ADAMTS2: variants seen among roughly 807,000 people sequenced by gnomAD.
The protein encoded by ADAMTS2 is ADAM metallopeptidase with thrombospondin type 1 motif 2.
Under a neutral mutation model 123.0 loss-of-function variants are expected in ADAMTS2, and 50 were observed. The observed-to-expected ratio is 0.41, with a 90% CI of 0.32 to 0.51. ADAMTS2 has a LOEUF of 0.51. Ranked by LOEUF, ADAMTS2 falls within the 20% of genes least tolerant of loss-of-function variation. The pLI, the probability that ADAMTS2 is intolerant of heterozygous loss-of-function variation, is 0.35. For synonymous variants in ADAMTS2, 678 were observed against 695.4 expected (o/e 0.98, Z 0.39); for missense variants, 1,494 against 1,705.2 (o/e 0.88, Z 2.18).
chr5:179,187,106 T>A (rs1319072463), intron 4 of ADAMTS2, among the ~76,000 whole-genome samples: 3 of 152,102 alleles, frequency 2.0e-5, no homozygotes, highest in African/African-American at 7.2e-5. Flanking sequence ...CTGCTGCCTG[T>A]GCTTTGGTTC....
intron 21 of ADAMTS2, among the ~76,000 whole-genome samples, chr5:179,116,266 C>CA (rs1412780126): frequency 8.0e-6 from 1 of 124,246 alleles, no homozygotes; most frequent in Non-Finnish European, 1.7e-5. Context: ...CGGCACCCCC[C>CA]CCCCACCCCC....
intron 4 of ADAMTS2, among the ~76,000 whole-genome samples, chr5:179,191,122 C>A (rs763910139): frequency 2.0e-5 from 3 of 152,264 alleles, no homozygotes; most frequent in African/African-American, 7.2e-5. Flanking sequence ...CAGAAGGACA[C>A]GGCCGAGGCC....
At chr5:179,238,548 A>G (rs918454326) in intron 3 of ADAMTS2, among the ~76,000 whole-genome samples, 1 of 152,060 alleles carries the variant, frequency 6.6e-6, no homozygotes, top group Non-Finnish European at 1.5e-5. Context: ...TCCCACTGGA[A>G]GGGAACATGC....
intron 2 of ADAMTS2, among the ~76,000 whole-genome samples, chr5:179,290,830 A>G (rs1756164626): frequency 6.6e-6 from 1 of 152,058 alleles, no homozygotes; most frequent in Non-Finnish European, 1.5e-5. Context: ...TCGGGGAGCA[A>G]GTACAGAGGC....
chr5:179,273,151 C>T, intron 2 of ADAMTS2, 87 bp from the exon 3 acceptor site: 1 of 1,590,584 alleles, frequency 6.3e-7, no homozygotes. Context: ...CAGGGAGTAC[C>T]TCCCACCTGA....
In ADAMTS2 at chr5:179,155,538, G is replaced by A. The variant is rs987222094; in HGVS notation, c.1133-619C>T. On this transcript the variant is annotated intron_variant, in intron 6 of 21. Transcript: ENST00000251582. This position sits in a 1 kb window ranked among gnomAD's most constrained non-coding sequence, Gnocchi z 5.1. ...ATCCCAGCAGGGGGCTGGCTGGTGC[G>A]GACTGGGAGGTCAGAGCCGCCGTAG... is the stretch of plus-strand genomic sequence containing the variant. 2.0e-5 allele frequency among the ~76,000 whole-genome samples: 3 copies of A among 152,202 alleles called. No homozygotes were observed. Among genetic ancestry groups the A allele is most frequent in the Non-Finnish European group, 4.4e-5 (3 of 68,032 alleles).
intron 2 of ADAMTS2, among the ~76,000 whole-genome samples, chr5:179,286,350 A>C: frequency 6.6e-6 from 1 of 151,602 alleles, no homozygotes; most frequent in Non-Finnish European, 1.5e-5. Flanking sequence ...GGAGGTCTGC[A>C]CACACCGCCC....
chr5:179,204,305 C>T (rs1313729580), intron 4 of ADAMTS2, among the ~76,000 whole-genome samples: 2 of 152,132 alleles, frequency 1.3e-5, no homozygotes, highest in Admixed American at 6.5e-5. Context: ...CTTACGCCAC[C>T]GAATCGCACG....
intron 3 of ADAMTS2, among the ~76,000 whole-genome samples, chr5:179,265,785 C>T (rs181439382): frequency 3.2e-4 from 49 of 152,372 alleles, no homozygotes; most frequent in African/African-American, 1.0e-3. Context: ...ACAGGAGCGC[C>T]GCGGCGTCTG....
At chr5:179,238,467 C>G (rs1434990593) in intron 3 of ADAMTS2, among the ~76,000 whole-genome samples, 1 of 152,106 alleles carries the variant, frequency 6.6e-6, no homozygotes, top group Admixed American at 6.5e-5. Context: ...CTGGAGGGCA[C>G]AGGGTCTGCG....
rs902758851 is a variant in ADAMTS2 at position 179,132,995 on chromosome 5, G to C, written c.2086-95C>G. 2.0e-6 allele frequency: 3 copies of C among 1,513,520 alleles called. No individual in the cohort carries two copies. The highest frequency in any genetic ancestry group is 2.7e-6 in the Non-Finnish European group (3 of 1,118,628). The allele number at this position is 1,513,520 out of a possible 1,614,324, so 93.8% of individuals were successfully genotyped here. A position where few individuals can be genotyped will look rare whatever the true frequency, so the allele number is the denominator to read the frequency against. On this transcript the variant is annotated intron_variant, in intron 13 of 21. Coordinates refer to ENST00000251582, the MANE Select transcript of ADAMTS2 (RefSeq NM_014244.5). This position sits in a 1 kb window ranked among gnomAD's most constrained non-coding sequence, Gnocchi z 6.1. ...CCCAGTCTCGAACACCTGGCCTCAA[G>C]CGATCCTCCTGCCTTGGCCTCCCAA...
intron 5 of ADAMTS2, among the ~76,000 whole-genome samples, chr5:179,171,636 C>G (rs957696980): frequency 2.0e-5 from 3 of 152,196 alleles, no homozygotes; most frequent in Non-Finnish European, 4.4e-5. Context: ...ACTGGCGTCC[C>G]CTACCCCCAT....
intron 6 of ADAMTS2, among the ~76,000 whole-genome samples, chr5:179,157,972 C>G (rs1242296862): frequency 6.7e-6 from 1 of 148,238 alleles, no homozygotes; most frequent in Non-Finnish European, 1.5e-5. Context: ...TTTTTTGTCT[C>G]TTTTTTTTTT....
chr5:179,126,557 G>C (rs1716813735), intron 17 of ADAMTS2, among the ~76,000 whole-genome samples: 1 of 152,224 alleles, frequency 6.6e-6, no homozygotes, highest in Admixed American at 6.5e-5. Flanking sequence ...TCTCCAGCAG[G>C]GGACATTTGG....
intron 2 of ADAMTS2, among the ~76,000 whole-genome samples, chr5:179,309,526 G>A (rs147545111): frequency 2.0e-4 from 30 of 152,270 alleles, no homozygotes; most frequent in Admixed American, 5.2e-4. Flanking sequence ...GGAGGCCAAG[G>A]TGGGGCGGGT....
chr5:179,279,243 G>C (rs1005434280), intron 2 of ADAMTS2, among the ~76,000 whole-genome samples: 1 of 152,112 alleles, frequency 6.6e-6, no homozygotes, highest in Non-Finnish European at 1.5e-5. Context: ...ACAAAGCATA[G>C]GAAGCACACA....
At chr5:179,302,459 C>A (rs910129577) in intron 2 of ADAMTS2, among the ~76,000 whole-genome samples, 2 of 148,454 alleles carry the variant, frequency 1.3e-5, no homozygotes, top group African/African-American at 2.5e-5. Context: ...AGATTCTCTG[C>A]GGAGGCAGAG....
At chr5:179,134,840 C>T (rs1215755798) in intron 13 of ADAMTS2, among the ~76,000 whole-genome samples, 2 of 113,450 alleles carry the variant, frequency 1.8e-5, no homozygotes, top group African/African-American at 7.2e-5. Context: ...GCTCCAGCCC[C>T]CAGCTCCCGG....
At chr5:179,252,105 T>C (rs1049951586) in intron 3 of ADAMTS2, among the ~76,000 whole-genome samples, 6 of 150,822 alleles carry the variant, frequency 4.0e-5, no homozygotes, top group Non-Finnish European at 8.8e-5. Flanking sequence ...CCTCCCAGGC[T>C]CAAGCAATTC....
Sources: gnomAD v4.1 joint callset for allele counts (sites outside exome capture counted in the v4.1 genomes callset) on GRCh38, gnomAD v4.1.1 for gene constraint, Gnocchi (gnomAD v3.1) non-coding constraint, MANE v1.5 for transcripts, NCBI Gene and HGNC (gene_info 2026-07-23, HGNC 2026-07-21) for gene names.